RNF214: variants seen among roughly 807,000 people sequenced by gnomAD.
The protein encoded by RNF214 is ring finger protein 214.
A neutral mutation model predicts 75.9 loss-of-function variants in RNF214; 25 were observed. The ratio of observed to expected loss-of-function variants is 0.33; its 90% CI spans 0.24 to 0.46. RNF214 has a LOEUF of 0.46. Among genes scored for constraint, RNF214 ranks in the 20% least tolerant of loss-of-function variants. RNF214 has a pLI of 1.00. For synonymous variants in RNF214, 314 were observed against 308.8 expected (o/e 1.02, Z -0.18); for missense variants, 725 against 857.5 (o/e 0.85, Z 1.93).
Position 117,279,942 on chromosome 11 carries a change from A to G in RNF214, c.994A>G (p.Asn332Asp). The change falls in exon 7 of 15, where the codon AAT (asparagine) becomes GAT (aspartate). Residue 332 changes from asparagine (N) to aspartate (D), a missense_variant. By Grantham distance (23) the Asn-to-Asp change is conservative. Around this residue, in one of 2 missense-constraint regions of RNF214, gnomAD observed 363 missense variants for 513.0 expected, o/e 0.71. Transcript: ENST00000300650. ...VWEMELDRLK[N>D]QDGEINRNIM... ...GGAAATGGAACTGGATAGACTCAAGAATCAGGATGGCGAAATAAATAGGAA... is the reference window on the plus strand; with the variant it reads ...GGAAATGGAACTGGATAGACTCAAGGATCAGGATGGCGAAATAAATAGGAA... 6.2e-7 allele frequency: 1 copy of G among 1,613,570 alleles called. No individual in the cohort carries two copies. Among genetic ancestry groups the G allele is most frequent in the South Asian group, 1.1e-5 (1 of 90,790 alleles).
At chr11:117,258,125 C>T (rs994737286) in intron 6 of RNF214, among the ~76,000 whole-genome samples, 2 of 150,678 alleles carry the variant, frequency 1.3e-5, no homozygotes, top group South Asian at 2.1e-4. Context: ...CTCGCTCTGT[C>T]GCCAGGCTGG....
intron 6 of RNF214, among the ~76,000 whole-genome samples, chr11:117,259,387 G>A (rs1453801401): frequency 6.6e-6 from 1 of 152,232 alleles, no homozygotes. Flanking sequence ...TCAAGTGCAA[G>A]TCATAAAGAC....
rs1022964525 is a variant in RNF214 at position 117,285,665 on chromosome 11, CT to C, written c.*515del. The C allele has an allele frequency of 6.6e-6, 1 of 152,660 alleles. No homozygotes were observed. Among genetic ancestry groups the C allele is most frequent in the East Asian group, 1.9e-4 (1 of 5,208 alleles). The allele number at this position is 152,660 out of a possible 1,614,324, so 9.5% of individuals were successfully genotyped here. A position where few individuals can be genotyped will look rare whatever the true frequency, so the allele number is the denominator to read the frequency against. ...TCTACTCCAAATGGATAAAATGAGACTCTGATTGAGGAAAAAAAAGTAACCC... is the reference window on the plus strand; with the variant it reads ...TCTACTCCAAATGGATAAAATGAGACCTGATTGAGGAAAAAAAAGTAACCC... On this transcript the variant is annotated 3_prime_UTR_variant, in exon 15 of 15. Transcript: ENST00000300650.
At chr11:117,233,846 A>G (rs551775085) in intron 1 of RNF214, among the ~76,000 whole-genome samples, 15 of 152,342 alleles carry the variant, frequency 9.8e-5, no homozygotes, top group Non-Finnish European at 1.9e-4. Context: ...AATGCTTTGA[A>G]TGTAACAGCC....
chr11:117,261,346 G>A (rs1416243782), intron 6 of RNF214, among the ~76,000 whole-genome samples: 4 of 152,094 alleles, frequency 2.6e-5, no homozygotes, highest in Admixed American at 1.3e-4. Context: ...TTGGGAGGCC[G>A]AGGCGGGTGG....
chr11:117,248,265 A>G (rs1337694651), intron 6 of RNF214, among the ~76,000 whole-genome samples: 1 of 151,944 alleles, frequency 6.6e-6, no homozygotes, highest in Non-Finnish European at 1.5e-5. Flanking sequence ...TTTAGGAGAG[A>G]CGGGGTTTCA....
intron 1 of RNF214, among the ~76,000 whole-genome samples, chr11:117,232,932 G>T (rs2032750242): frequency 7.0e-6 from 1 of 141,920 alleles, no homozygotes; most frequent in Non-Finnish European, 1.5e-5. Context: ...GGACCGAGGG[G>T]AAGGGGTGGA....
At chr11:117,269,825 C>T (rs2033871737) in intron 6 of RNF214, among the ~76,000 whole-genome samples, 1 of 152,206 alleles carries the variant, frequency 6.6e-6, no homozygotes, top group Non-Finnish European at 1.5e-5. Flanking sequence ...TACTCCTTGA[C>T]TTACTATGGG....
chr11:117,281,964 A>G lies in RNF214; in HGVS notation c.1406A>G (p.Gln469Arg). Reference sequence around the variant, plus strand: ...CCTCGGATGCCCTTCTCCATTGGGCAGGTCACAATGCCCATGGTTATGCCC... The same window carrying G: ...CCTCGGATGCCCTTCTCCATTGGGCGGGTCACAATGCCCATGGTTATGCCC... ...LAPRMPFSIG[Q>R]VTMPMVMPSA... Residue 469 changes from glutamine to arginine, a missense_variant, in exon 11 of 15, where the codon CAG (glutamine) becomes CGG (arginine). Around this residue, in one of 2 missense-constraint regions of RNF214, gnomAD observed 363 missense variants for 513.0 expected, o/e 0.71. Transcript: ENST00000300650. 6.2e-7 allele frequency: 1 copy of G among 1,614,022 alleles called. No homozygotes were observed. Among genetic ancestry groups the G allele is most frequent in the Non-Finnish European group, 8.5e-7 (1 of 1,179,984 alleles).
At chr11:117,273,713 ATTTTAAG>A (rs1253577554) in intron 6 of RNF214, among the ~76,000 whole-genome samples, 1 of 152,118 alleles carries the variant, frequency 6.6e-6, no homozygotes, top group Non-Finnish European at 1.5e-5. Context: ...ATGGGCTGGT[ATTTTAAG>A]TTTTAAGGGG....
At chr11:117,252,605 C>T (rs941219315) in intron 6 of RNF214, among the ~76,000 whole-genome samples, 10 of 152,084 alleles carry the variant, frequency 6.6e-5, no homozygotes, top group Non-Finnish European at 1.0e-4. Flanking sequence ...ACTGCAGTCT[C>T]CACCTCCCGG....
intron 6 of RNF214, among the ~76,000 whole-genome samples, chr11:117,255,948 C>T (rs550740203): frequency 6.6e-6 from 1 of 152,184 alleles, no homozygotes; most frequent in African/African-American, 2.4e-5. Flanking sequence ...AAGTTTTAAC[C>T]CTTTACTTAG....
rs1027479849 is a variant in RNF214, at chr11:117,243,333, A to C, written c.679-1112A>C. ...GGCTAATTTTGTATTTTTAGTAGAGATGGGATTGCACTGTGTTGGCCAGGC... is the reference window on the plus strand; with the variant it reads ...GGCTAATTTTGTATTTTTAGTAGAGCTGGGATTGCACTGTGTTGGCCAGGC... On this transcript the variant is annotated intron_variant, in intron 4 of 14. Transcript: ENST00000300650. Among the ~76,000 whole-genome samples the C allele has an allele frequency of 5.9e-5, 9 of 152,148 alleles. No homozygotes were observed. The East Asian group carries it at 1.7e-3, about 29-fold the overall frequency.
intron 3 of RNF214, chr11:117,239,436 T>C (rs2033008969): frequency 2.2e-6 from 1 of 451,010 alleles, no homozygotes; most frequent in Non-Finnish European, 4.0e-6. Flanking sequence ...GGAAGAATCC[T>C]TGTTAATTCT....
intron 6 of RNF214, among the ~76,000 whole-genome samples, chr11:117,273,148 T>C (rs2033945784): frequency 6.6e-6 from 1 of 152,126 alleles, no homozygotes. Flanking sequence ...GATTGCAATA[T>C]ATTGTTTTGG....
At chr11:117,280,639 TCC>T (rs1194028503) in intron 8 of RNF214, among the ~76,000 whole-genome samples, 1 of 152,158 alleles carries the variant, frequency 6.6e-6, no homozygotes, top group Non-Finnish European at 1.5e-5. Context: ...ATCACTGCAC[TCC>T]AGCCTAGGTG....
chr11:117,283,841 G>A (rs1403486125), intron 14 of RNF214, among the ~76,000 whole-genome samples: 1 of 151,258 alleles, frequency 6.6e-6, no homozygotes, highest in East Asian at 2.0e-4. Flanking sequence ...TTTTTTAGTA[G>A]AGAGAAGGTC....
At chr11:117,248,115 C>G (rs1428740823) in intron 6 of RNF214, among the ~76,000 whole-genome samples, 1 of 151,792 alleles carries the variant, frequency 6.6e-6, no homozygotes, top group African/African-American at 2.4e-5. Flanking sequence ...TTGCTCTGTT[C>G]CCCAGGCTGG....
intron 6 of RNF214, among the ~76,000 whole-genome samples, chr11:117,253,105 T>A (rs2033440384): frequency 6.6e-6 from 1 of 151,924 alleles, no homozygotes; most frequent in African/African-American, 2.4e-5. Flanking sequence ...CTTGAACTCC[T>A]GAGCTCAAGC....
Sources: gnomAD v4.1 joint callset for allele counts (sites outside exome capture counted in the v4.1 genomes callset) on GRCh38, gnomAD v4.1.1 for gene constraint, gnomAD v4.1.1 regional missense constraint, MANE v1.5 for transcripts, NCBI Gene and HGNC (gene_info 2026-07-23, HGNC 2026-07-21) for gene names.